Variants in VDAC1 observed in about 807,000 individuals in gnomAD.
The protein encoded by VDAC1 is non-selective voltage-gated ion channel VDAC1.
VDAC1 carries 10 observed loss-of-function variants against 34.7 expected under a neutral mutation model. The ratio of observed to expected loss-of-function variants is 0.29; its 90% CI spans 0.18 to 0.49. VDAC1 has a LOEUF of 0.49. Ranked by LOEUF, VDAC1 falls within the 20% of genes least tolerant of loss-of-function variation. The probability of loss-of-function intolerance (pLI) is 0.99; values close to 1 mark genes in which losing one functional copy is unlikely to be tolerated. For synonymous variants in VDAC1, 130 were observed against 136.0 expected, an observed-to-expected ratio of 0.96 and a Z score of 0.30; for missense variants, 230 against 347.9, an observed-to-expected ratio of 0.66 and a Z score of 2.69.
chr5:134,105,291 C>G, the VDAC1 span, among the ~76,000 whole-genome samples: 1 of 152,208 alleles, frequency 6.6e-6, no homozygotes, highest in Non-Finnish European at 1.5e-5. Flanking sequence ...TGCTGCCCCC[C>G]ACTATCCTCA....
chr5:134,089,298 G>T, the VDAC1 span, among the ~76,000 whole-genome samples: 2 of 152,246 alleles, frequency 1.3e-5, no homozygotes, highest in African/African-American at 4.8e-5. Context: ...TGCTCTGCCA[G>T]CTCCGAAACC....
chr5:134,074,202 C>G, the VDAC1 span, among the ~76,000 whole-genome samples: 1 of 151,860 alleles, frequency 6.6e-6, no homozygotes, highest in African/African-American at 2.4e-5. Context: ...GTCCCAGCTA[C>G]TCGAGAGGCT....
At chr5:134,113,768 C>A in the VDAC1 span, among the ~76,000 whole-genome samples, 1 of 152,252 alleles carries the variant, frequency 6.6e-6, no homozygotes, top group Non-Finnish European at 1.5e-5. Context: ...CTCCGCAAAT[C>A]TAGATGTTTC....
At chr5:134,015,914 A>T in the VDAC1 span, among the ~76,000 whole-genome samples, 38 of 152,062 alleles carry the variant, frequency 2.5e-4, no homozygotes, top group Admixed American at 5.9e-4. Flanking sequence ...AAGTGCTGGG[A>T]TTACAGGCAT....
chr5:133,982,890 C>CA (rs1382644803), intron 5 of VDAC1, among the ~76,000 whole-genome samples: 3,216 of 69,292 alleles, frequency 0.046, 100 homozygotes, highest in African/African-American at 0.14. Context: ...AACTCAGTCT[C>CA]AAAAAAAAAA....
chr5:134,080,490 G>A, the VDAC1 span, among the ~76,000 whole-genome samples: 1 of 151,972 alleles, frequency 6.6e-6, no homozygotes, highest in Non-Finnish European at 1.5e-5. Context: ...AGCCTCCACG[G>A]AGGTACAGTA....
At chr5:133,994,267 A>C (rs942282604) in intron 1 of VDAC1, among the ~76,000 whole-genome samples, 4 of 152,242 alleles carry the variant, frequency 2.6e-5, no homozygotes, top group Non-Finnish European at 4.4e-5. Flanking sequence ...GAAACAGTAT[A>C]AACTTCTACA....
At chr5:134,068,966 C>CTGTGTGTGTG in the VDAC1 span, among the ~76,000 whole-genome samples, 4,400 of 136,596 alleles carry the variant, frequency 0.032, 114 homozygotes, top group South Asian at 0.049. Context: ...TGGGAGGTGA[C>CTGTGTGTGTG]TGTGTGTGTG....
the VDAC1 span, among the ~76,000 whole-genome samples, chr5:134,032,124 C>CAAA: frequency 2.0e-3 from 73 of 36,098 alleles, 4 homozygotes; most frequent in African/African-American, 6.2e-3. Context: ...CTCTGCCTCA[C>CAAA]AAAAAAAAAA....
At chr5:134,013,350 A>C in the VDAC1 span, among the ~76,000 whole-genome samples, 1 of 152,140 alleles carries the variant, frequency 6.6e-6, no homozygotes, top group East Asian at 1.9e-4. Context: ...TGGGAGGATC[A>C]CTTGAGTCCA....
chr5:134,036,808 C>T, the VDAC1 span, among the ~76,000 whole-genome samples: 1 of 151,838 alleles, frequency 6.6e-6, no homozygotes, highest in Non-Finnish European at 1.5e-5. Flanking sequence ...AAAGAATTAG[C>T]CAGGCATGAT....
At chr5:134,049,336 G>A in the VDAC1 span, among the ~76,000 whole-genome samples, 35 of 152,194 alleles carry the variant, frequency 2.3e-4, no homozygotes, top group South Asian at 2.5e-3. Flanking sequence ...TCAAGCAATC[G>A]TCCTACCTCC....
chr5:134,000,504 C>T (rs1319986406), intron 1 of VDAC1, among the ~76,000 whole-genome samples: 2 of 152,170 alleles, frequency 1.3e-5, no homozygotes, highest in Admixed American at 1.3e-4. Flanking sequence ...GGGGCTCCTA[C>T]CTGACCTAAG....
the VDAC1 span, among the ~76,000 whole-genome samples, chr5:134,098,059 C>T: frequency 6.6e-6 from 1 of 151,518 alleles, no homozygotes; most frequent in African/African-American, 2.4e-5. Context: ...TAGTAGAGAA[C>T]GGGGTTTGAC....
chr5:134,066,889 T>C, the VDAC1 span, among the ~76,000 whole-genome samples: 4 of 152,138 alleles, frequency 2.6e-5, no homozygotes, highest in Non-Finnish European at 5.9e-5. Context: ...GGCTGAGGGA[T>C]GTATAATAGA....
At chr5:134,112,635 CTTATG>C in the VDAC1 span, among the ~76,000 whole-genome samples, 1 of 152,102 alleles carries the variant, frequency 6.6e-6, no homozygotes, top group Non-Finnish European at 1.5e-5. Flanking sequence ...AAAAATGTTC[CTTATG>C]TTCTTTCACC....
At chr5:134,106,007 T>A in the VDAC1 span, among the ~76,000 whole-genome samples, 1 of 152,132 alleles carries the variant, frequency 6.6e-6, no homozygotes, top group South Asian at 2.1e-4. Flanking sequence ...CCGGCTGATG[T>A]GTTGTTGGTC....
At chr5:134,072,849 T>C in the VDAC1 span, among the ~76,000 whole-genome samples, 1 of 152,228 alleles carries the variant, frequency 6.6e-6, no homozygotes, top group African/African-American at 2.4e-5. Flanking sequence ...TCAAGACTTT[T>C]AGAAGACCTT....
chr5:133,995,236 A>T (rs1398123685), intron 1 of VDAC1, among the ~76,000 whole-genome samples: 1 of 152,202 alleles, frequency 6.6e-6, no homozygotes. Context: ...AGGAGCTCCG[A>T]CACGGCCAAG....
Sources: allele counts gnomAD v4.1 joint callset (sites outside exome capture counted in the v4.1 genomes callset), GRCh38; gene constraint gnomAD v4.1.1; transcripts MANE v1.5; gene names NCBI Gene and HGNC (gene_info 2026-07-23, HGNC 2026-07-21).